The following USP24 variants were observed in gnomAD, a reference collection of about 807,000 sequenced individuals.
The protein encoded by USP24 is ubiquitin specific peptidase 24.
A neutral mutation model predicts 361.6 loss-of-function variants in USP24; 97 were observed. That is an observed-to-expected ratio of 0.27 (90% confidence interval 0.23 to 0.32). The LOEUF (loss-of-function observed/expected upper bound fraction) is 0.32, where lower values mean the gene tolerates loss of function less well. Ranked by LOEUF, USP24 falls within the 10% of genes least tolerant of loss-of-function variation. USP24 has a pLI of 1.00. For missense variants in USP24, 2,353 were observed against 3,165.6 expected (o/e 0.74, Z 6.16); for synonymous variants, 1,098 against 1,124.6 (o/e 0.98, Z 0.47).
Position 55,213,967 on chromosome 1 carries a change from T to C in USP24, c.324+823A>G, listed in dbSNP as rs150951985. Among the ~76,000 whole-genome samples the C allele has an allele frequency of 9.7e-3, 1,474 of 152,038 alleles. 12 individuals are homozygous for C. The highest frequency in any genetic ancestry group is 0.014 in the Admixed American group (221 of 15,280). ...TCTCTTTCCCCGGTCTAATTTTCTC[T>C]CATTTCTGACCTTATCGATGACCAG... On this transcript the variant is annotated intron_variant, in intron 1 of 67. Coordinates refer to ENST00000294383, the MANE Select transcript of USP24 (RefSeq NM_015306.3).
At chr1:55,144,743 T>C (rs957367539) in intron 20 of USP24, among the ~76,000 whole-genome samples, 6 of 152,168 alleles carry the variant, frequency 3.9e-5, no homozygotes, top group African/African-American at 1.2e-4. Context: ...GAGACCAGCC[T>C]GGCCAACATG....
At chr1:55,080,245 G>A (rs539373223) in intron 59 of USP24, among the ~76,000 whole-genome samples, 1 of 152,284 alleles carries the variant, frequency 6.6e-6, no homozygotes, top group South Asian at 2.1e-4. Flanking sequence ...ACAAAATTAG[G>A]TAGCTTTGTC....
intron 11 of USP24, 101 bp downstream of exon 11, chr1:55,157,155 A>G (rs1245413889): frequency 7.5e-7 from 1 of 1,335,660 alleles, no homozygotes; most frequent in African/African-American, 1.5e-5. Flanking sequence ...GATCATTTAA[A>G]GACTAATACA....
chr1:55,157,371 C>G lies in USP24; in HGVS notation c.1228-1G>C. ...TGCTATCTTCTATTAGTTTGGTTAC[C>G]TAAAAAGATAAGATTATTGTGACTG... On this transcript the variant is annotated splice_acceptor_variant, in intron 10 of 67. Coordinates refer to ENST00000294383, the MANE Select transcript of USP24 (RefSeq NM_015306.3). LOFTEE classifies it high-confidence loss of function. 6.5e-7 allele frequency: 1 copy of G among 1,529,328 alleles called. No homozygotes were observed. Among genetic ancestry groups the G allele is most frequent in the East Asian group, 2.3e-5 (1 of 43,864 alleles). 94.7% of individuals were successfully genotyped at this position (1,529,328 alleles called of 1,614,324 possible).
chr1:55,133,449 T>C (rs531552665), intron 30 of USP24, among the ~76,000 whole-genome samples: 2 of 152,318 alleles, frequency 1.3e-5, no homozygotes, highest in African/African-American at 4.8e-5. Context: ...GAGTCTGATC[T>C]GGGACAAGTA....
chr1:55,206,676 G>T (rs80118205), intron 1 of USP24, among the ~76,000 whole-genome samples: 1 of 142,130 alleles, frequency 7.0e-6, no homozygotes, highest in Non-Finnish European at 1.5e-5. Flanking sequence ...AAAAAAAAGG[G>T]TCGGGGGGGC....
At chr1:55,117,730 G>T (rs754866621) in intron 38 of USP24, among the ~76,000 whole-genome samples, 25 of 108,536 alleles carry the variant, frequency 2.3e-4, no homozygotes, top group Non-Finnish European at 3.5e-4. Context: ...GCGACAGAGC[G>T]AGACTCCGTC....
chr1:55,073,863 G>C lies in USP24; in HGVS notation c.7491C>G (p.Tyr2497Ter). 6.3e-7 allele frequency: 1 copy of C among 1,581,794 alleles called. No individual in the cohort carries two copies. Among genetic ancestry groups the C allele is most frequent in the Non-Finnish European group, 8.6e-7 (1 of 1,163,158 alleles). Residue 2497 changes from tyrosine (Y) to a stop codon, truncating the protein, a stop_gained, in exon 64 of 68, where the codon TAC becomes TAG. Transcript: ENST00000294383. LOFTEE classifies it high-confidence loss of function. ...GAGTGACAAGAAATTTGACACACTG[G>C]TAGCAGCGACTACTGTCCACATGAT... is the stretch of plus-strand genomic sequence containing the variant. ...HSNHVDSSRC[Y>*]QCVKFLVTLA... is the part of the protein sequence containing the mutation.
rs1050085334 is a variant in USP24, at chr1:55,102,962, T to C, written c.5025+914A>G. ...TGCTACTCCCTCTATTTAGGACATCTGTCCCCACTTCCTTTCCTACCTAAC... is the reference window on the plus strand; with the variant it reads ...TGCTACTCCCTCTATTTAGGACATCCGTCCCCACTTCCTTTCCTACCTAAC... On this transcript the variant is annotated intron_variant, in intron 42 of 67. Transcript: ENST00000294383. Among the ~76,000 whole-genome samples the C allele has an allele frequency of 5.3e-5, 8 of 152,294 alleles. No individual in the cohort carries two copies. In the East Asian group the frequency reaches 1.5e-3, roughly 29 times the overall value.
chr1:55,100,739 TA>T, intron 44 of USP24, 99 bp downstream of exon 44: 1 of 60,256 alleles, frequency 1.7e-5, no homozygotes, highest in Non-Finnish European at 2.7e-5. Context: ...GGCAAGAGAT[TA>T]GTCTAAAGTT....
At chr1:55,085,803 A>T in intron 56 of USP24, 139 bp downstream of exon 56, 1 of 761,572 alleles carries the variant, frequency 1.3e-6, no homozygotes, top group Non-Finnish European at 2.1e-6. Context: ...CCTGGCATGT[A>T]CCAAAAATCA....
chr1:55,207,354 GAA>G (rs1427079790), intron 1 of USP24, among the ~76,000 whole-genome samples: 1 of 151,118 alleles, frequency 6.6e-6, no homozygotes, highest in Non-Finnish European at 1.5e-5. Context: ...AGCAGAAACT[GAA>G]AAGTCTTGGA....
intron 58 of USP24, 97 bp downstream of exon 58, chr1:55,083,174 AC>A (rs1250535698): frequency 1.7e-6 from 2 of 1,205,136 alleles, no homozygotes; most frequent in African/African-American, 3.1e-5. Context: ...TACTACTTAG[AC>A]TTTTATGAAA....
intron 1 of USP24, among the ~76,000 whole-genome samples, chr1:55,206,626 T>G (rs1465326929): frequency 2.0e-5 from 3 of 148,716 alleles, no homozygotes; most frequent in Non-Finnish European, 3.0e-5. Context: ...AGAAATCATT[T>G]CTTGTGCCAG....
Position 55,184,693 on chromosome 1 carries a change from G to C in USP24, c.325-6561C>G, listed in dbSNP as rs142437107. Among the ~76,000 whole-genome samples, 575 of 152,216 alleles carry C rather than the reference G, an allele frequency of 3.8e-3. 5 individuals are homozygous for C. The highest frequency in any genetic ancestry group is 0.013 in the African/African-American group (538 of 41,522). ...AGAGCATATGTTAGGTTGTAAAACAGGCCTCAACAATTTAAAAGAAGTGAA... is the reference window on the plus strand; with the variant it reads ...AGAGCATATGTTAGGTTGTAAAACACGCCTCAACAATTTAAAAGAAGTGAA... On this transcript the variant is annotated intron_variant, in intron 1 of 67. Transcript: ENST00000294383.
At chr1:55,096,879 C>T (rs778847751) in intron 49 of USP24, 73 bp downstream of exon 49, 52 of 1,518,968 alleles carry the variant, frequency 3.4e-5, no homozygotes, top group South Asian at 3.1e-4. Context: ...TGCACCACAG[C>T]GGTGAGTATG....
At chr1:55,146,191 C>G in intron 19 of USP24, 82 bp from the exon 20 acceptor site, 1 of 932,180 alleles carries the variant, frequency 1.1e-6, no homozygotes, top group Non-Finnish European at 1.7e-6. Flanking sequence ...AGTAAAGATA[C>G]ATTTTAATAC....
At chr1:55,126,699 CAT>C (rs1411230634) in intron 32 of USP24, among the ~76,000 whole-genome samples, 2 of 152,254 alleles carry the variant, frequency 1.3e-5, no homozygotes, top group Admixed American at 6.5e-5. Context: ...TAAAGCTACA[CAT>C]GTGTGCCACA....
At chr1:55,158,710 T>C (rs1183529923) in intron 10 of USP24, among the ~76,000 whole-genome samples, 168 bp downstream of exon 10, 2 of 152,254 alleles carry the variant, frequency 1.3e-5, no homozygotes, top group African/African-American at 2.4e-5. Context: ...ACACAGAAGA[T>C]GTCTTTACCA....
Sources: allele counts gnomAD v4.1 joint callset (sites outside exome capture counted in the v4.1 genomes callset), GRCh38; gene constraint gnomAD v4.1.1; transcripts MANE v1.5; gene names NCBI Gene and HGNC (gene_info 2026-07-23, HGNC 2026-07-21).